Variants in XPO7 observed in about 807,000 individuals in gnomAD.
XPO7 encodes exportin 7, also known as exportin-7.
A neutral mutation model predicts 144.3 loss-of-function variants in XPO7; 21 were observed. The observed-to-expected ratio is 0.15, with a 90% CI of 0.10 to 0.21. The LOEUF (loss-of-function observed/expected upper bound fraction) is 0.21, where lower values mean the gene tolerates loss of function less well. Ranked by LOEUF, XPO7 falls within the 10% of genes least tolerant of loss-of-function variation. The pLI is 1.00. For missense variants in XPO7, 808 were observed against 1,325.8 expected (o/e 0.61, Z 6.06); for synonymous variants, 580 against 499.6 (o/e 1.16, Z -2.15).
At position 21,999,253 on chromosome 8, in the gene XPO7, C is replaced by T. The variant is rs751098879; in HGVS notation, c.2591C>T (p.Ala864Val). 6.2e-7 allele frequency: 1 copy of T among 1,613,624 alleles called. No homozygotes were observed. Among genetic ancestry groups the T allele is most frequent in the Non-Finnish European group, 8.5e-7 (1 of 1,179,818 alleles). ...RLYGDDALDN[A>V]LQTFIKLLLS... ...TATGGAGACGATGCCCTGGACAATG[C>T]TCTGCAGACCTTCATCAAGCTGCTC... The change falls in exon 23 of 28, where the codon GCT becomes GTT. Residue 864 changes from alanine to valine, a missense_variant. Physicochemically the swap from Ala to Val is moderately conservative, Grantham distance 64 (BLOSUM62 0). This residue lies in a region of XPO7 where 416 missense variants were observed against 612.5 expected (regional missense o/e 0.68). Coordinates refer to ENST00000252512, the MANE Select transcript of XPO7 (RefSeq NM_015024.5).
At chr8:21,990,681 A>T in intron 17 of XPO7, 130 bp from the exon 18 acceptor site, 2 of 973,240 alleles carry the variant, frequency 2.1e-6, no homozygotes, top group Non-Finnish European at 3.0e-6. Flanking sequence ...AAAAAAAAAA[A>T]CCTTCAGATC....
rs537521677 is a variant in XPO7, at chr8:21,941,299, G to A, written c.18+21511G>A. Among the ~76,000 whole-genome samples the A allele has an allele frequency of 3.9e-5, 6 of 152,028 alleles. 1 individual carries two copies. In the South Asian group the frequency reaches 8.3e-4, roughly 21 times the overall value. On this transcript the variant is annotated intron_variant, in intron 1 of 27. Coordinates refer to ENST00000252512, the MANE Select transcript of XPO7 (RefSeq NM_015024.5). The stretch of plus-strand genomic sequence containing the variant: ...CTCCCTAGAAGGTGAAACTACAGGC[G>A]GGTGCCACCTGACTAGTTAAGAAAA...
At position 21,987,128 on chromosome 8, in the gene XPO7, C is replaced by T. The variant is rs765810892; in HGVS notation, c.1578-13C>T. 5 of 1,613,364 alleles carry T rather than the reference C, an allele frequency of 3.1e-6. No homozygotes were observed. The highest frequency in any genetic ancestry group is 4.5e-5 in the East Asian group (2 of 44,894). ...TCCTGCTGTTGAGAGAATCATTGCT[C>T]CTCTTCCTCCAGGGTGCTCCAGCTG... is the stretch of plus-strand genomic sequence containing the variant. On this transcript the variant is annotated splice_polypyrimidine_tract_variant and intron_variant, in intron 13 of 27. Transcript: ENST00000252512.
At chr8:21,975,669 A>G (rs989410437) in intron 6 of XPO7, among the ~76,000 whole-genome samples, 1 of 152,240 alleles carries the variant, frequency 6.6e-6, no homozygotes, top group African/African-American at 2.4e-5. Flanking sequence ...AAAGCTGCCT[A>G]GCAAAAGCTG....
chr8:21,959,104 G>T (rs1388034102), intron 1 of XPO7, among the ~76,000 whole-genome samples: 2 of 152,166 alleles, frequency 1.3e-5, no homozygotes, highest in Non-Finnish European at 2.9e-5. Flanking sequence ...TGGATTTGAT[G>T]ATTACAAATA....
chr8:22,003,812 G>C (rs1813233641), intron 26 of XPO7, 91 bp from the exon 27 acceptor site: 1 of 1,563,664 alleles, frequency 6.4e-7, no homozygotes, highest in African/African-American at 1.4e-5. Flanking sequence ...TTCCTCCTTA[G>C]AGAAGAACAT....
chr8:21,980,600 T>C (rs1429220488), intron 9 of XPO7, among the ~76,000 whole-genome samples: 5 of 152,012 alleles, frequency 3.3e-5, no homozygotes, highest in Non-Finnish European at 7.4e-5. Context: ...AGTGAAACCC[T>C]GTCTCTACTA....
intron 18 of XPO7, 119 bp downstream of exon 18, chr8:21,991,038 T>C: frequency 2.3e-6 from 2 of 862,628 alleles, no homozygotes; most frequent in Non-Finnish European, 3.8e-6. Flanking sequence ...GTAACAAAAC[T>C]ATCTGAAATA....
chr8:21,923,638 C>G (rs1810365967), intron 1 of XPO7, among the ~76,000 whole-genome samples: 1 of 152,050 alleles, frequency 6.6e-6, no homozygotes, highest in South Asian at 2.1e-4. Flanking sequence ...AAATACAGTA[C>G]AGTGATGGAA....
chr8:21,959,291 C>A (rs914995341), intron 1 of XPO7, among the ~76,000 whole-genome samples: 3 of 152,142 alleles, frequency 2.0e-5, no homozygotes, highest in Non-Finnish European at 4.4e-5. Flanking sequence ...TGCTATTCTC[C>A]AGAGTTTTTG....
chr8:21,929,976 C>A (rs183699754), intron 1 of XPO7, among the ~76,000 whole-genome samples: 1 of 152,262 alleles, frequency 6.6e-6, no homozygotes, highest in East Asian at 1.9e-4. Context: ...CAATATCTCC[C>A]TAATCCATCC....
chr8:21,923,600 C>G (rs1039081316), intron 1 of XPO7, among the ~76,000 whole-genome samples: 7 of 152,142 alleles, frequency 4.6e-5, no homozygotes, highest in African/African-American at 1.7e-4. Context: ...CGTGTGGGAT[C>G]ATTCAAACAC....
intron 1 of XPO7, among the ~76,000 whole-genome samples, chr8:21,965,212 G>A (rs1440333850): frequency 6.6e-6 from 1 of 151,454 alleles, no homozygotes; most frequent in African/African-American, 2.4e-5. Flanking sequence ...ACAAAACCTT[G>A]TGAAGGAGAT....
chr8:21,991,452 T>C (rs1167405654), intron 18 of XPO7, among the ~76,000 whole-genome samples: 1 of 152,220 alleles, frequency 6.6e-6, no homozygotes, highest in Non-Finnish European at 1.5e-5. Context: ...CTTCTAGGTT[T>C]ATGAGAGATG....
chr8:21,992,659 C>T (rs1812809551), intron 19 of XPO7, among the ~76,000 whole-genome samples: 2 of 152,204 alleles, frequency 1.3e-5, no homozygotes, highest in South Asian at 4.1e-4. Context: ...AGCAGTCCTC[C>T]TGCCCCAGCT....
chr8:21,923,492 C>A (rs769868150), intron 1 of XPO7, among the ~76,000 whole-genome samples: 49 of 152,138 alleles, frequency 3.2e-4, no homozygotes, highest in Non-Finnish European at 6.0e-4. Flanking sequence ...CTGGAAATGT[C>A]TGTATTTAAA....
rs181345942 is a variant in XPO7 at position 21,935,885 on chromosome 8, A to C, written c.18+16097A>C. 2.0e-3 allele frequency among the ~76,000 whole-genome samples: 305 copies of C among 152,114 alleles called. 2 individuals carry two copies. The highest frequency in any genetic ancestry group is 6.8e-3 in the African/African-American group (282 of 41,488). The stretch of plus-strand genomic sequence containing the variant: ...CTCTGTCTCGTCTGCAAATCCCACA[A>C]ACTCAATCAGCTTTCCTCATTTTTT... On this transcript the variant is annotated intron_variant, in intron 1 of 27. Coordinates refer to ENST00000252512, the MANE Select transcript of XPO7 (RefSeq NM_015024.5).
At chr8:21,971,688 T>C (rs1461950310) in intron 4 of XPO7, among the ~76,000 whole-genome samples, 188 bp from the exon 5 acceptor site, 1 of 152,210 alleles carries the variant, frequency 6.6e-6, no homozygotes, top group African/African-American at 2.4e-5. Flanking sequence ...TTGACAGTCT[T>C]CCTTTGTGGT....
intron 1 of XPO7, among the ~76,000 whole-genome samples, chr8:21,946,305 A>C (rs1564305): frequency 0.36 from 54,533 of 151,968 alleles, 10,340 homozygotes; most frequent in Non-Finnish European, 0.43. Flanking sequence ...AGGAAAAATA[A>C]GCAACCAAAA....
Sources: gnomAD v4.1 joint callset for allele counts (sites outside exome capture counted in the v4.1 genomes callset) on GRCh38, gnomAD v4.1.1 for gene constraint, gnomAD v4.1.1 regional missense constraint, MANE v1.5 for transcripts, NCBI Gene and HGNC (gene_info 2026-07-23, HGNC 2026-07-21) for gene names.